Variants in SPTBN1 observed in about 807,000 individuals in gnomAD.
SPTBN1 encodes spectrin beta chain, non-erythrocytic 1.
SPTBN1 carries 32 observed loss-of-function variants against 266.4 expected under a neutral mutation model. That is an observed-to-expected ratio of 0.12 (90% CI 0.09 to 0.16). The LOEUF (loss-of-function observed/expected upper bound fraction) is 0.16, where lower values mean the gene tolerates loss of function less well. Ranked by LOEUF, SPTBN1 falls within the 10% of genes least tolerant of loss-of-function variation. SPTBN1 has a pLI of 1.00. For synonymous variants in SPTBN1, 1,336 were observed against 1,162.2 expected (o/e 1.15, Z -3.04); for missense variants, 2,296 against 3,067.1 (o/e 0.75, Z 5.94).
chr2:54,631,227 G>T lies in SPTBN1; in HGVS notation c.3180G>T (p.Glu1060Asp). Reference protein sequence around the residue: ...TLKNREASLGEASKLQQFLRD... With the variant: ...TLKNREASLGDASKLQQFLRD... ...AAAACCGAGAGGCCTCCCTGGGAGAGGCCAGCAAGCTGCAGCAGTTCCTAC... is the reference window on the plus strand; with the variant it reads ...AAAACCGAGAGGCCTCCCTGGGAGATGCCAGCAAGCTGCAGCAGTTCCTAC... The change falls in exon 16 of 36, where the codon GAG (glutamate) becomes GAT (aspartate). Residue 1060 changes from glutamate to aspartate, a missense_variant. Transcript: ENST00000356805. 1 of 1,614,202 alleles carries T rather than the reference G, an allele frequency of 6.2e-7. No homozygotes were observed. Among genetic ancestry groups the T allele is most frequent in the Non-Finnish European group, 8.5e-7 (1 of 1,180,010 alleles).
chr2:54,580,706 A>G (rs776470152), intron 2 of SPTBN1, among the ~76,000 whole-genome samples: 13 of 152,132 alleles, frequency 8.5e-5, no homozygotes, highest in Non-Finnish European at 1.8e-4. Context: ...TAGGGTTTCT[A>G]CTGTATACTT....
At chr2:54,634,091 ACT>A (rs1466815809) in intron 17 of SPTBN1, among the ~76,000 whole-genome samples, 8 of 152,082 alleles carry the variant, frequency 5.3e-5, no homozygotes, top group Non-Finnish European at 2.9e-5. Flanking sequence ...TGTAATATTA[ACT>A]CTGAGTATTT....
At chr2:54,634,644 T>G (rs1009262555) in intron 17 of SPTBN1, among the ~76,000 whole-genome samples, 1 of 152,210 alleles carries the variant, frequency 6.6e-6, no homozygotes, top group African/African-American at 2.4e-5. Context: ...GAGTTCCAGG[T>G]GCTGTAGGAG....
intron 2 of SPTBN1, among the ~76,000 whole-genome samples, chr2:54,597,948 T>C (rs1232754383): frequency 2.0e-5 from 3 of 151,116 alleles, no homozygotes; most frequent in African/African-American, 7.3e-5. Context: ...AGGTCTTAGA[T>C]TTTTGGCATA....
chr2:54,482,662 G>A (rs760025099), intron 1 of SPTBN1, among the ~76,000 whole-genome samples: 1 of 152,024 alleles, frequency 6.6e-6, no homozygotes. Context: ...GCCACATTTC[G>A]AATGCTCAGT....
intron 2 of SPTBN1, among the ~76,000 whole-genome samples, chr2:54,531,776 T>C (rs1293358381): frequency 6.6e-6 from 1 of 151,954 alleles, no homozygotes; most frequent in Non-Finnish European, 1.5e-5. Context: ...GCGTCACTCA[T>C]CGCCACCCCC....
Position 54,568,349 on chromosome 2 carries a change from CAAAAAAAAAAAAA to C in SPTBN1, c.149-30732_149-30720del, listed in dbSNP as rs888478845. ...TGGGCAACAGAGTAAGACTCTGTCT[CAAAAAAAAAAAAA>C]AAAAAAAAAAGAAGAAGAAGCACTG... is the stretch of plus-strand genomic sequence containing the variant. On this transcript the variant is annotated intron_variant, in intron 2 of 35. Coordinates refer to ENST00000356805, the MANE Select transcript of SPTBN1 (RefSeq NM_003128.3). Among the ~76,000 whole-genome samples the C allele has an allele frequency of 2.5e-3, 238 of 95,690 alleles. 1 individual carries two copies. Among genetic ancestry groups the C allele is most frequent in the African/African-American group, 9.3e-3 (227 of 24,444 alleles). The allele number at this position is 95,690 out of a possible 152,430, so 62.8% of individuals were successfully genotyped here. A position where few individuals can be genotyped will look rare whatever the true frequency, so the allele number is the denominator to read the frequency against.
intron 35 of SPTBN1, among the ~76,000 whole-genome samples, chr2:54,667,893 G>A (rs929183396): frequency 5.9e-5 from 9 of 152,170 alleles, no homozygotes; most frequent in Non-Finnish European, 1.2e-4. Flanking sequence ...TCCCCTCCCA[G>A]GGATGAGGCA....
At position 54,629,613 on chromosome 2, in the gene SPTBN1, A is replaced by G; in HGVS notation, c.2479A>G (p.Ile827Val). 3 of 1,613,970 alleles carry G rather than the reference A, an allele frequency of 1.9e-6. No homozygotes were observed. Among genetic ancestry groups the G allele is most frequent in the Non-Finnish European group, 2.5e-6 (3 of 1,179,992 alleles). ...AGACGTGAGGGGCAGGCTGTCGGGC[A>G]TCGAGGAGCGGTATAAGGAGGTGGC... The part of the protein sequence containing the change: ...SPDVRGRLSG[I>V]EERYKEVAEL... Residue 827 changes from isoleucine (I) to valine (V), a missense_variant, in exon 14 of 36, where the codon ATC becomes GTC. Physicochemically the swap from Ile to Val is conservative, Grantham distance 29. Transcript: ENST00000356805.
At chr2:54,559,170 CTAGTAGA>C (rs1673100892) in intron 2 of SPTBN1, among the ~76,000 whole-genome samples, 1 of 152,124 alleles carries the variant, frequency 6.6e-6, no homozygotes. Flanking sequence ...ACTTTACCTC[CTAGTAGA>C]TCAGTGCTCA....
chr2:54,610,006 T>C (rs1677104819), intron 3 of SPTBN1, among the ~76,000 whole-genome samples: 1 of 150,832 alleles, frequency 6.6e-6, no homozygotes, highest in Non-Finnish European at 1.5e-5. Context: ...TCACCTCTCT[T>C]TCTCTTACTG....
At chr2:54,655,246 C>T (rs370408386) in intron 28 of SPTBN1, 38 bp downstream of exon 28, 33 of 1,604,822 alleles carry the variant, frequency 2.1e-5, no homozygotes, top group East Asian at 1.3e-4. Context: ...CAGCTGGCGT[C>T]AAGATGTAAA....
At chr2:54,527,663 G>C (rs1001088164) in intron 2 of SPTBN1, 1 of 152,214 alleles carries the variant, frequency 6.6e-6, no homozygotes, top group Non-Finnish European at 1.5e-5. Flanking sequence ...TTCACAAGCA[G>C]GCTCCATCCT....
intron 1 of SPTBN1, among the ~76,000 whole-genome samples, chr2:54,481,196 A>G (rs918768188): frequency 2.4e-4 from 35 of 146,034 alleles, no homozygotes; most frequent in Non-Finnish European, 4.5e-4. Context: ...ACAGGTTTGG[A>G]AAAAAAAAAA....
At chr2:54,508,518 TGGGCTAGCGGGTTCTAAGAGGC>T (rs368243336) in intron 1 of SPTBN1, among the ~76,000 whole-genome samples, 5,717 of 152,124 alleles carry the variant, frequency 0.038, 396 homozygotes, top group African/African-American at 0.13. Flanking sequence ...TTCTAAGAGG[TGGGCTAGCGGGTTCTAAGAGGC>T]GGGCTAGCGG....
chr2:54,628,350 C>G lies in SPTBN1; in HGVS notation c.1798+100C>G, dbSNP rs1478396066. 7.9e-6 allele frequency: 11 copies of G among 1,396,248 alleles called. No individual in the cohort carries two copies. The highest frequency in any genetic ancestry group is 8.5e-6 in the Non-Finnish European group (9 of 1,063,622). 86.5% of individuals were successfully genotyped at this position (1,396,248 alleles called of 1,614,324 possible). A position where few individuals can be genotyped will look rare whatever the true frequency, so the allele number is the denominator to read the frequency against. The stretch of plus-strand genomic sequence containing the variant: ...TGAAGTTACTGTGCCACTATACATT[C>G]CTGGTGGGTTTGTCATGGGAGCATG... On this transcript the variant is annotated intron_variant, in intron 13 of 35. Coordinates refer to ENST00000356805, the MANE Select transcript of SPTBN1 (RefSeq NM_003128.3). The surrounding 1 kb of genome is among the most constrained non-coding windows in gnomAD (Gnocchi z 4.3).
At chr2:54,460,197 TA>T (rs1416147725) in intron 1 of SPTBN1, among the ~76,000 whole-genome samples, 1 of 152,218 alleles carries the variant, frequency 6.6e-6, no homozygotes, top group African/African-American at 2.4e-5. Context: ...GTATGCACAT[TA>T]AATGAAGAAA....
intron 2 of SPTBN1, among the ~76,000 whole-genome samples, chr2:54,555,850 G>A (rs1343467410): frequency 6.6e-6 from 1 of 152,170 alleles, no homozygotes; most frequent in East Asian, 1.9e-4. Flanking sequence ...TGTGTTTCAA[G>A]GTTTGATCAA....
In SPTBN1 at chr2:54,658,062, G is replaced by A; in HGVS notation, c.6243+16G>A. 3 of 1,614,036 alleles carry A rather than the reference G, an allele frequency of 1.9e-6. No homozygotes were observed. Among genetic ancestry groups the A allele is most frequent in the Non-Finnish European group, 2.5e-6 (3 of 1,179,926 alleles). On this transcript the variant is annotated intron_variant, in intron 30 of 35. Transcript: ENST00000356805. ...GCTGACTACAGTAAGTGGCCGCTGG[G>A]CCCTTTGTCTGTTGGTGCCCTGGGC...
Sources: gnomAD v4.1 joint callset for allele counts (sites outside exome capture counted in the v4.1 genomes callset) on GRCh38, gnomAD v4.1.1 for gene constraint, Gnocchi (gnomAD v3.1) non-coding constraint, MANE v1.5 for transcripts, NCBI Gene and HGNC (gene_info 2026-07-23, HGNC 2026-07-21) for gene names.